Variants in SPECC1 observed in about 807,000 individuals in gnomAD.
SPECC1 encodes cytospin-B.
A neutral mutation model predicts 104.1 loss-of-function variants in SPECC1; 62 were observed. The observed-to-expected ratio is 0.60, with a 90% CI of 0.49 to 0.74. The LOEUF is 0.74. Among genes scored for constraint, SPECC1 ranks in the 30% least tolerant of loss-of-function variants. The probability of loss-of-function intolerance (pLI) is 0.00; values close to 1 mark genes in which losing one functional copy is unlikely to be tolerated. For missense variants in SPECC1, 1,306 were observed against 1,310.5 expected, an observed-to-expected ratio of 1.00 and a Z score of 0.05; for synonymous variants, 513 against 501.6, an observed-to-expected ratio of 1.02 and a Z score of -0.30.
intron 1 of SPECC1, among the ~76,000 whole-genome samples, chr17:20,040,539 T>C (rs945636358): frequency 6.6e-6 from 1 of 152,240 alleles, no homozygotes; most frequent in African/African-American, 2.4e-5. Context: ...CTTATTTTGC[T>C]TTATCTGAGA....
At chr17:20,171,461 C>G (rs2034083356) in intron 3 of SPECC1, among the ~76,000 whole-genome samples, 1 of 152,160 alleles carries the variant, frequency 6.6e-6, no homozygotes, top group Non-Finnish European at 1.5e-5. Flanking sequence ...GTATCCAGAA[C>G]CTTATGCTAA....
intron 7 of SPECC1, chr17:20,237,216 G>A (rs1480371911): frequency 7.9e-7 from 1 of 1,261,952 alleles, no homozygotes. Context: ...CAGCTGGAGT[G>A]CTGAAAAGGG....
chr17:20,139,564 T>A (rs118187436), intron 3 of SPECC1, among the ~76,000 whole-genome samples: 2,006 of 152,334 alleles, frequency 0.013, 13 homozygotes, highest in Admixed American at 0.029. Context: ...TTGTCCTAAC[T>A]GAAGTGGCAT....
chr17:20,017,683 T>G (rs918374172), intron 1 of SPECC1: 6 of 152,234 alleles, frequency 3.9e-5, no homozygotes, highest in Non-Finnish European at 7.3e-5. Context: ...ATGAATCAGA[T>G]TCTCCATTTC....
At chr17:20,113,129 C>T in intron 3 of SPECC1, 2 of 641,870 alleles carry the variant, frequency 3.1e-6, no homozygotes, top group Middle Eastern at 4.4e-4. Flanking sequence ...TGCTTGTTCT[C>T]AGTGGTGCAT....
Position 20,058,840 on chromosome 17 carries a change from T to C in SPECC1, c.-21-37791T>C, listed in dbSNP as rs750493087. 8.9e-4 allele frequency among the ~76,000 whole-genome samples: 125 copies of C among 140,310 alleles called. 1 individual carries two copies. The highest frequency in any genetic ancestry group is 2.7e-3 in the South Asian group (11 of 4,136). The allele number at this position is 140,310 out of a possible 152,430, so 92.0% of individuals were successfully genotyped here. The stretch of plus-strand genomic sequence containing the variant: ...ATTTATTGTTCACTTTATTTCTTTT[T>C]TTTTTTTTTTTTTTTTTGAGACAGA... On this transcript the variant is annotated intron_variant, in intron 1 of 14. Coordinates refer to ENST00000395527, the MANE Select transcript of SPECC1 (RefSeq NM_001243439.2).
At chr17:20,267,554 G>A (rs1225972038) in intron 12 of SPECC1, among the ~76,000 whole-genome samples, 2 of 152,032 alleles carry the variant, frequency 1.3e-5, no homozygotes, top group East Asian at 3.9e-4. Context: ...GAAGCCAAGT[G>A]ATGTCTCTGG....
chr17:20,313,967 C>G lies in SPECC1; in HGVS notation c.3118-9C>G, dbSNP rs1239438717. On this transcript the variant is annotated splice_polypyrimidine_tract_variant and intron_variant, in intron 14 of 14. Coordinates refer to ENST00000395527, the MANE Select transcript of SPECC1 (RefSeq NM_001243439.2). ...CTTGTGATCTGTCCCCCATTCCCTT[C>G]CCCTGCAGGAACTCAGCGAGATGCT... The G allele has an allele frequency of 1.2e-6, 2 of 1,613,700 alleles. No individual in the cohort carries two copies. The highest frequency in any genetic ancestry group is 2.2e-5 in the East Asian group (1 of 44,874).
At chr17:20,245,813 T>C in intron 7 of SPECC1, 113 bp from the exon 8 acceptor site, 1 of 1,255,098 alleles carries the variant, frequency 8.0e-7, no homozygotes, top group East Asian at 2.5e-5. Flanking sequence ...AATTCAGAAT[T>C]TCCCTTCCAG....
chr17:20,164,853 C>G (rs1388168396), intron 3 of SPECC1, among the ~76,000 whole-genome samples: 1 of 152,026 alleles, frequency 6.6e-6, no homozygotes, highest in Non-Finnish European at 1.5e-5. Flanking sequence ...CCTGAGACCC[C>G]CATTCGAACG....
intron 1 of SPECC1, among the ~76,000 whole-genome samples, chr17:20,010,650 C>A (rs1354865776): frequency 6.6e-6 from 1 of 152,202 alleles, no homozygotes; most frequent in Admixed American, 6.5e-5. Flanking sequence ...TTGCCTCTTC[C>A]AAGTAGGTGA....
chr17:20,206,721 G>GACT (rs2036806763), intron 4 of SPECC1, among the ~76,000 whole-genome samples: 1 of 151,996 alleles, frequency 6.6e-6, no homozygotes, highest in Admixed American at 6.6e-5. Flanking sequence ...CCTAGACGAT[G>GACT]ACTTACCGAG....
At chr17:20,156,047 T>C (rs1425758793) in intron 3 of SPECC1, 2 of 1,279,026 alleles carry the variant, frequency 1.6e-6, no homozygotes, top group East Asian at 3.2e-5. Flanking sequence ...CGCCGGCAGC[T>C]GCTGGGAACT....
chr17:20,229,659 G>A (rs946318159), intron 5 of SPECC1, among the ~76,000 whole-genome samples: 4 of 152,174 alleles, frequency 2.6e-5, no homozygotes, highest in Non-Finnish European at 4.4e-5. Flanking sequence ...GGGCAATAGA[G>A]CAAGACTGCA....
chr17:20,082,471 C>T (rs1404116891), intron 1 of SPECC1, among the ~76,000 whole-genome samples: 1 of 152,012 alleles, frequency 6.6e-6, no homozygotes, highest in Non-Finnish European at 1.5e-5. Context: ...TGGTGGTGCG[C>T]ACCTTGTCCC....
At chr17:20,048,265 C>G (rs1005572762) in intron 1 of SPECC1, among the ~76,000 whole-genome samples, 2 of 151,402 alleles carry the variant, frequency 1.3e-5, no homozygotes, top group Admixed American at 6.6e-5. Flanking sequence ...TCCCAAGTAG[C>G]TGGGACTACA....
chr17:20,191,930 T>C (rs2035700020), intron 3 of SPECC1, among the ~76,000 whole-genome samples: 1 of 152,064 alleles, frequency 6.6e-6, no homozygotes, highest in Non-Finnish European at 1.5e-5. Flanking sequence ...AGTCAGGTGT[T>C]TCGTTTTCCA....
At chr17:20,270,516 GGCT>G (rs1325933318) in intron 12 of SPECC1, among the ~76,000 whole-genome samples, 1 of 148,510 alleles carries the variant, frequency 6.7e-6, no homozygotes, top group Non-Finnish European at 1.5e-5. Context: ...CTATTCAGGA[GGCT>G]GAAGACAGAG....
chr17:20,193,389 A>C (rs528393576), intron 3 of SPECC1, among the ~76,000 whole-genome samples: 1 of 152,270 alleles, frequency 6.6e-6, no homozygotes, highest in South Asian at 2.1e-4. Flanking sequence ...TTCAAGATGG[A>C]GTTGTTCTGG....
Sources: gnomAD v4.1 joint callset for allele counts (sites outside exome capture counted in the v4.1 genomes callset) on GRCh38, gnomAD v4.1.1 for gene constraint, MANE v1.5 for transcripts, NCBI Gene and HGNC (gene_info 2026-07-23, HGNC 2026-07-21) for gene names.